The following DRC8 variants were observed in gnomAD, a reference collection of about 807,000 sequenced individuals.
DRC8 encodes the protein dynein regulatory complex subunit 8.
chr1:244,991,268 G>C, the DRC8 span, among the ~76,000 whole-genome samples: 2 of 152,196 alleles, frequency 1.3e-5, no homozygotes, highest in African/African-American at 2.4e-5. Flanking sequence ...AGCTCTGCCA[G>C]GTACCCCAGC....
the DRC8 span, among the ~76,000 whole-genome samples, chr1:245,074,374 G>T: frequency 2.0e-5 from 3 of 152,122 alleles, no homozygotes; most frequent in Admixed American, 2.0e-4. Flanking sequence ...AAACTACTTG[G>T]CGTGGGAGCG....
chr1:245,100,395 G>GTAATAA, the DRC8 span, among the ~76,000 whole-genome samples: 71,489 of 149,102 alleles, frequency 0.48, 18,947 homozygotes, highest in East Asian at 0.65. Flanking sequence ...AAAAGTAGTA[G>GTAATAA]TAATAATAAT....
chr1:245,018,554 G>C, the DRC8 span, among the ~76,000 whole-genome samples: 1 of 152,144 alleles, frequency 6.6e-6, no homozygotes, highest in Non-Finnish European at 1.5e-5. Context: ...GGGTTAGGGA[G>C]GGGGTGCAGC....
chr1:245,039,619 C>T, the DRC8 span, among the ~76,000 whole-genome samples: 1 of 152,170 alleles, frequency 6.6e-6, no homozygotes, highest in East Asian at 1.9e-4. Context: ...CAATTTCCCA[C>T]GAATTCCCTC....
the DRC8 span, among the ~76,000 whole-genome samples, chr1:245,118,207 G>C: frequency 6.6e-6 from 1 of 152,078 alleles, no homozygotes; most frequent in African/African-American, 2.4e-5. Context: ...GGGAGAATTA[G>C]AGCAAACCCT....
the DRC8 span, among the ~76,000 whole-genome samples, chr1:245,113,670 A>C: frequency 6.6e-6 from 1 of 152,338 alleles, no homozygotes; most frequent in East Asian, 1.9e-4. Context: ...GAATGCTGGA[A>C]ATATATTAAA....
the DRC8 span, chr1:244,971,065 C>A: frequency 6.4e-6 from 1 of 155,082 alleles, no homozygotes; most frequent in African/African-American, 2.4e-5. Context: ...ATGGCGTTCG[C>A]GGCCACCATT....
chr1:245,080,932 C>T, the DRC8 span, among the ~76,000 whole-genome samples: 25 of 152,200 alleles, frequency 1.6e-4, no homozygotes, highest in Admixed American at 1.1e-3. Flanking sequence ...CTCCAGCCTC[C>T]TAGCCGCCAA....
the DRC8 span, among the ~76,000 whole-genome samples, chr1:245,007,706 A>G: frequency 6.6e-6 from 1 of 152,214 alleles, no homozygotes; most frequent in Admixed American, 6.5e-5. Context: ...AATATGGCAG[A>G]TTAGGAGTAT....
chr1:245,017,093 A>G, the DRC8 span: 1 of 754,176 alleles, frequency 1.3e-6, no homozygotes, highest in Admixed American at 3.3e-5. Context: ...ACATCTCCAG[A>G]GGAAGTTAAA....
chr1:245,071,890 C>T, the DRC8 span, among the ~76,000 whole-genome samples: 5 of 152,140 alleles, frequency 3.3e-5, no homozygotes, highest in African/African-American at 7.2e-5. Flanking sequence ...ACAAGTATGT[C>T]GTGAAAGACT....
At chr1:245,120,224 G>A in the DRC8 span, among the ~76,000 whole-genome samples, 12 of 152,216 alleles carry the variant, frequency 7.9e-5, no homozygotes, top group South Asian at 1.9e-3. Context: ...TGAGTGCACC[G>A]ATTCCAGGGA....
chr1:245,076,144 G>A, the DRC8 span, among the ~76,000 whole-genome samples: 1 of 152,226 alleles, frequency 6.6e-6, no homozygotes, highest in African/African-American at 2.4e-5. Flanking sequence ...TGTGGGTCGG[G>A]GAGGATGTGC....
chr1:245,068,451 T>C, the DRC8 span, among the ~76,000 whole-genome samples: 2 of 151,874 alleles, frequency 1.3e-5, no homozygotes, highest in African/African-American at 4.8e-5. Context: ...TATCGTATTC[T>C]TTTTTTTAGA....
chr1:245,005,569 C>G, the DRC8 span, among the ~76,000 whole-genome samples: 1 of 152,066 alleles, frequency 6.6e-6, no homozygotes, highest in Non-Finnish European at 1.5e-5. Context: ...CCTTGAACTC[C>G]TGGCCTTGAG....
chr1:244,974,444 TGCG>T, the DRC8 span, among the ~76,000 whole-genome samples: 1 of 152,244 alleles, frequency 6.6e-6, no homozygotes, highest in East Asian at 1.9e-4. Flanking sequence ...TTTGTTACTT[TGCG>T]TGCTTTGATA....
At chr1:244,970,264 T>TCCACCCCCCCCCCCCCCC in the DRC8 span, 2 of 727,982 alleles carry the variant, frequency 2.7e-6, no homozygotes, top group Non-Finnish European at 4.8e-6. Flanking sequence ...GCTCGGAGCC[T>TCCACCCCCCCCCCCCCCC]CCTCCCCGCC....
chr1:245,002,179 T>C, the DRC8 span: 52 of 1,610,434 alleles, frequency 3.2e-5, no homozygotes, highest in Non-Finnish European at 4.2e-5. Context: ...GAACATCTAA[T>C]GGAAGGTGGA....
chr1:244,986,914 G>A, the DRC8 span, among the ~76,000 whole-genome samples: 1 of 152,204 alleles, frequency 6.6e-6, no homozygotes, highest in South Asian at 2.1e-4. Context: ...GGGGACTGGA[G>A]GAGACAGGGA....
Sources: gnomAD v4.1 joint callset for allele counts (sites outside exome capture counted in the v4.1 genomes callset) on GRCh38, gnomAD v4.1.1 for gene constraint, MANE v1.5 for transcripts, NCBI Gene and HGNC (gene_info 2026-07-23, HGNC 2026-07-21) for gene names.